IL2RA: variants seen among roughly 807,000 people sequenced by gnomAD.
IL2RA encodes interleukin 2 receptor subunit alpha, also known as interleukin-2 receptor subunit alpha.
A neutral mutation model predicts 37.8 loss-of-function variants in IL2RA; 24 were observed. That is an observed-to-expected ratio of 0.63 (90% CI 0.46 to 0.89). The LOEUF is 0.89. IL2RA is among the 40% of genes least tolerant of loss of function. The pLI, the probability that IL2RA is intolerant of heterozygous loss-of-function variation, is 0.00. For missense variants in IL2RA, 319 were observed against 348.6 expected, an observed-to-expected ratio of 0.92 and a Z score of 0.68; for synonymous variants, 125 against 114.6, an observed-to-expected ratio of 1.09 and a Z score of -0.58.
rs1481222619 is a variant in IL2RA at position 6,022,454 on chromosome 10, C to A, written c.368-761G>T. 2.0e-5 allele frequency among the ~76,000 whole-genome samples: 3 copies of A among 152,202 alleles called. No individual in the cohort carries two copies. The highest frequency in any genetic ancestry group is 7.2e-5 in the African/African-American group (3 of 41,446). On this transcript the variant is annotated intron_variant, in intron 3 of 7. Coordinates refer to ENST00000379959, the MANE Select transcript of IL2RA (RefSeq NM_000417.3). This position sits in a 1 kb window ranked among gnomAD's most constrained non-coding sequence, Gnocchi z 4.7. ...AATCTCTGAATTCCCCACCCACAGC[C>A]CCCAACCTGGACATATGGAATTGTA...
chr10:6,025,468 C>CA lies in IL2RA; in HGVS notation c.256+365dup, dbSNP rs541413499. The stretch of plus-strand genomic sequence containing the variant: ...GTCAGGAGTTTGAGACCAGCCTGGC[C>CA]AACATGGTGAAACCCCATCTCTACT... On this transcript the variant is annotated intron_variant, in intron 2 of 7. Transcript: ENST00000379959. The surrounding 1 kb of genome is among the most constrained non-coding windows in gnomAD (Gnocchi z 4.4). Among the ~76,000 whole-genome samples the CA allele has an allele frequency of 1.1e-3, 168 of 151,826 alleles. 1 individual carries two copies. The highest frequency in any genetic ancestry group is 3.9e-3 in the African/African-American group (161 of 41,408).
At chr10:6,019,973 C>T in intron 4 of IL2RA, 32 bp from the exon 5 acceptor site, 1 of 1,590,358 alleles carries the variant, frequency 6.3e-7, no homozygotes, top group Non-Finnish European at 8.6e-7. Flanking sequence ...GCTGGTGGAG[C>T]TAAACACAGG....
In IL2RA at chr10:6,054,741, C is replaced by G. The variant is rs1408196359; in HGVS notation, c.64+7347G>C. Among the ~76,000 whole-genome samples the G allele has an allele frequency of 1.3e-5, 2 of 152,184 alleles. No individual in the cohort carries two copies. Among genetic ancestry groups the G allele is most frequent in the African/African-American group, 4.8e-5 (2 of 41,436 alleles). ...CAGAGCCAGGAGGTCCCAGGGCCACCTTCTCTGAGAATTTTTTTTCTAGTT... is the reference window on the plus strand; with the variant it reads ...CAGAGCCAGGAGGTCCCAGGGCCACGTTCTCTGAGAATTTTTTTTCTAGTT... On this transcript the variant is annotated intron_variant, in intron 1 of 7. Transcript: ENST00000379959. This position sits in a 1 kb window ranked among gnomAD's most constrained non-coding sequence, Gnocchi z 4.5.
At chr10:6,052,874 G>A (rs896319352) in intron 1 of IL2RA, among the ~76,000 whole-genome samples, 1 of 128,546 alleles carries the variant, frequency 7.8e-6, no homozygotes. Context: ...CGACACTGCC[G>A]CTTTCTCTAA....
rs560898947 is a variant in IL2RA at position 6,012,706 on chromosome 10, C to T, written c.*166G>A. On this transcript the variant is annotated 3_prime_UTR_variant, in exon 8 of 8. Coordinates refer to ENST00000379959, the MANE Select transcript of IL2RA (RefSeq NM_000417.3). This position sits in a 1 kb window ranked among gnomAD's most constrained non-coding sequence, Gnocchi z 4.8. ...CTGAGCTGGCATAGAGACAAGGTTG[C>T]CACTGCCCCGTGTCCTGTGATGTGA... The T allele has an allele frequency of 2.8e-5, 20 of 723,282 alleles. 1 individual carries two copies. The South Asian group carries it at 2.8e-4, about 10-fold the overall frequency. 44.8% of individuals were successfully genotyped at this position (723,282 alleles called of 1,614,324 possible). A position where few individuals can be genotyped will look rare whatever the true frequency, so the allele number is the denominator to read the frequency against.
chr10:6,051,521 T>A (rs1244075603), intron 1 of IL2RA, among the ~76,000 whole-genome samples: 11 of 136,660 alleles, frequency 8.0e-5, no homozygotes, highest in Admixed American at 1.5e-4. Flanking sequence ...ATATATATTT[T>A]TTTTCTTTTT....
chr10:6,039,208 C>T (rs893715608), intron 1 of IL2RA, among the ~76,000 whole-genome samples: 28 of 152,156 alleles, frequency 1.8e-4, no homozygotes, highest in South Asian at 6.2e-4. Context: ...GAAGTCAGTA[C>T]GTATTGCTAA....
At chr10:6,042,026 A>G (rs1166239347) in intron 1 of IL2RA, among the ~76,000 whole-genome samples, 1 of 151,840 alleles carries the variant, frequency 6.6e-6, no homozygotes, top group Non-Finnish European at 1.5e-5. Context: ...GATAATCTTG[A>G]ACATGTATAC....
chr10:6,019,725 C>A, intron 5 of IL2RA, 145 bp downstream of exon 5: 2 of 850,640 alleles, frequency 2.4e-6, no homozygotes, highest in Non-Finnish European at 2.0e-6. Flanking sequence ...GTTGCTGAGG[C>A]CCTGTCCCTG....
At chr10:6,019,546 G>T in intron 5 of IL2RA, 47 bp from the exon 6 acceptor site, 1 of 1,407,262 alleles carries the variant, frequency 7.1e-7, no homozygotes. Flanking sequence ...CGTGACTTTA[G>T]GACAGCACGA....
chr10:6,055,598 T>C (rs945457656), intron 1 of IL2RA, among the ~76,000 whole-genome samples: 1 of 30,908 alleles, frequency 3.2e-5, no homozygotes, highest in African/African-American at 5.8e-5. Flanking sequence ...CTCCCATGTC[T>C]ACCTCTCTCT....
Position 6,055,954 on chromosome 10 carries a change from G to A in IL2RA, c.64+6134C>T, listed in dbSNP as rs78817272. On this transcript the variant is annotated intron_variant, in intron 1 of 7. Coordinates refer to ENST00000379959, the MANE Select transcript of IL2RA (RefSeq NM_000417.3). ...CCTGGATATACACTAATGTACAGCT[G>A]GCGTTTTGAACCATTACTCTCCACA... 2.9e-3 allele frequency among the ~76,000 whole-genome samples: 444 copies of A among 152,260 alleles called. 2 individuals carry two copies. The highest frequency in any genetic ancestry group is 6.8e-3 in the Middle Eastern group (2 of 294).
rs866694884 is a variant in IL2RA, at chr10:6,021,180, C to A, written c.583+298G>T. Among the ~76,000 whole-genome samples, 6 of 152,158 alleles carry A rather than the reference C, an allele frequency of 3.9e-5. No individual in the cohort carries two copies. Among genetic ancestry groups the A allele is most frequent in the South Asian group, 2.1e-4 (1 of 4,816 alleles). ...GCTTAGAGAAGTAGTGGACTTAGGA[C>A]CAACTACGAGGCAGCATCTAGGGTG... is the stretch of plus-strand genomic sequence containing the variant. On this transcript the variant is annotated intron_variant, in intron 4 of 7. Transcript: ENST00000379959. The surrounding 1 kb of genome is among the most constrained non-coding windows in gnomAD (Gnocchi z 4.9).
rs900331802 is a variant in IL2RA, at chr10:6,047,818, AATAT to A, written c.64+14266_64+14269del. ...AATATAATTAGTATATTATATGATA[AATAT>A]ATATAATAAAAGACATCATACACTA... is the stretch of plus-strand genomic sequence containing the variant. On this transcript the variant is annotated intron_variant, in intron 1 of 7. Transcript: ENST00000379959. The surrounding 1 kb of genome is among the most constrained non-coding windows in gnomAD (Gnocchi z 5.0). 4.1e-4 allele frequency among the ~76,000 whole-genome samples: 40 copies of A among 96,684 alleles called. No homozygotes were observed. Among genetic ancestry groups the A allele is most frequent in the African/African-American group, 1.2e-3 (37 of 31,768 alleles). The allele number at this position is 96,684 out of a possible 152,430, so 63.4% of individuals were successfully genotyped here.
At chr10:6,016,302 C>T (rs1420931210) in intron 7 of IL2RA, among the ~76,000 whole-genome samples, 1 of 152,170 alleles carries the variant, frequency 6.6e-6, no homozygotes, top group Non-Finnish European at 1.5e-5. Flanking sequence ...ATGGGGGCCC[C>T]TCGACCTCAG....
chr10:6,034,606 A>G (rs1043961043), intron 1 of IL2RA, among the ~76,000 whole-genome samples: 7 of 152,276 alleles, frequency 4.6e-5, no homozygotes, highest in African/African-American at 1.4e-4. Flanking sequence ...CTATATTATC[A>G]TTCTTTTATT....
At position 6,018,823 on chromosome 10, in the gene IL2RA, C is replaced by G. The variant is rs1291012219; in HGVS notation, c.727+605G>C. Among the ~76,000 whole-genome samples, 1 of 152,136 alleles carries G rather than the reference C, an allele frequency of 6.6e-6. No individual in the cohort carries two copies. The highest frequency in any genetic ancestry group is 1.5e-5 in the Non-Finnish European group (1 of 68,010). On this transcript the variant is annotated intron_variant, in intron 6 of 7. Coordinates refer to ENST00000379959, the MANE Select transcript of IL2RA (RefSeq NM_000417.3). This position sits in a 1 kb window ranked among gnomAD's most constrained non-coding sequence, Gnocchi z 5.1. ...ACATTCTGCAGTGTAAGGAAGGGGT[C>G]CTTTCAGTCAACCAACCAACCTACC...
intron 1 of IL2RA, among the ~76,000 whole-genome samples, chr10:6,031,494 G>GTATATATATGTATATATATATATA (rs1839587227): frequency 3.6e-5 from 1 of 27,480 alleles, no homozygotes; most frequent in African/African-American, 1.1e-4. Flanking sequence ...ATATATATAT[G>GTATATATATGTATATATATATATA]TATATATATA....
rs1839264631 is a variant in IL2RA at position 6,015,712 on chromosome 10, T to C, written c.794+2341A>G. ...ATCCATCATCTCAAACATTTATCGTTTCTTTATGTTCCTACAGATGATTCT... is the reference window on the plus strand; with the variant it reads ...ATCCATCATCTCAAACATTTATCGTCTCTTTATGTTCCTACAGATGATTCT... On this transcript the variant is annotated intron_variant, in intron 7 of 7. Coordinates refer to ENST00000379959, the MANE Select transcript of IL2RA (RefSeq NM_000417.3). The surrounding 1 kb of genome is among the most constrained non-coding windows in gnomAD (Gnocchi z 4.9). Among the ~76,000 whole-genome samples the C allele has an allele frequency of 6.6e-6, 1 of 152,248 alleles. No homozygotes were observed. The highest frequency in any genetic ancestry group is 2.1e-4 in the South Asian group (1 of 4,832).
Sources: gnomAD v4.1 joint callset for allele counts (sites outside exome capture counted in the v4.1 genomes callset) on GRCh38, gnomAD v4.1.1 for gene constraint, Gnocchi (gnomAD v3.1) non-coding constraint, MANE v1.5 for transcripts, NCBI Gene and HGNC (gene_info 2026-07-23, HGNC 2026-07-21) for gene names.